ETV1: variants seen among roughly 807,000 people sequenced by gnomAD.
ETV1 encodes ETS variant transcription factor 1.
ETV1 carries 27 observed loss-of-function variants against 62.3 expected under a neutral mutation model. The ratio of observed to expected loss-of-function variants is 0.43; its 90% CI spans 0.32 to 0.60. The LOEUF (loss-of-function observed/expected upper bound fraction) is 0.60, where lower values mean the gene tolerates loss of function less well. ETV1 is among the 20% of genes least tolerant of loss of function. The pLI, the probability that ETV1 is intolerant of heterozygous loss-of-function variation, is 0.06. For missense variants in ETV1, 605 were observed against 605.8 expected (o/e 1.00, Z 0.01); for synonymous variants, 222 against 199.6 (o/e 1.11, Z -0.94).
intron 8 of ETV1, 23 bp downstream of exon 8, chr7:13,935,685 G>A: frequency 6.2e-7 from 1 of 1,600,076 alleles, no homozygotes; most frequent in Middle Eastern, 1.7e-4. Flanking sequence ...ACAGTTTCTA[G>A]AAAACTGGTA....
intron 6 of ETV1, among the ~76,000 whole-genome samples, chr7:13,970,890 G>T (rs899111912): frequency 1.3e-5 from 2 of 151,498 alleles, no homozygotes; most frequent in African/African-American, 4.9e-5. Context: ...AAGCAGATTT[G>T]TAACAGTAAT....
intron 5 of ETV1, 160 bp downstream of exon 5, chr7:13,986,478 A>G (rs1010225218): frequency 2.7e-6 from 4 of 1,507,232 alleles, no homozygotes; most frequent in African/African-American, 2.9e-5. Flanking sequence ...AGAGTCCCCA[A>G]AGACAAACTC....
At chr7:13,983,587 T>TATGG (rs1491418868) in intron 5 of ETV1, among the ~76,000 whole-genome samples, 1 of 149,412 alleles carries the variant, frequency 6.7e-6, no homozygotes, top group African/African-American at 2.5e-5. Flanking sequence ...ATAAAGTGAC[T>TATGG]ATGGCAACAT....
At chr7:13,973,685 T>A (rs1781124073) in intron 6 of ETV1, among the ~76,000 whole-genome samples, 1 of 152,140 alleles carries the variant, frequency 6.6e-6, no homozygotes, top group Admixed American at 6.5e-5. Flanking sequence ...TATTTTTGCC[T>A]CTGTTTATGG....
rs767552829 is a variant in ETV1 at position 13,895,874 on chromosome 7, C to T, written c.1426G>A (p.Val476Met). The T allele has an allele frequency of 5.0e-6, 8 of 1,612,662 alleles. No individual in the cohort carries two copies. Among genetic ancestry groups the T allele is most frequent in the African/African-American group, 1.3e-5 (1 of 74,928 alleles). Residue 476 changes from valine to methionine, a missense_variant, in exon 14 of 14, where the codon GTG becomes ATG. Transcript: ENST00000430479. ...CNPHPYNEGYVY is the reference protein window; with the variant it reads ...CNPHPYNEGYMY Reference sequence around the variant, plus strand: ...CTTGACTGTCACTTGTGTTAATACACGTAGCCTTCGTTGTAGGGGTGGGGG... The same window carrying T: ...CTTGACTGTCACTTGTGTTAATACATGTAGCCTTCGTTGTAGGGGTGGGGG...
chr7:13,963,587 G>T (rs758463348), intron 6 of ETV1, among the ~76,000 whole-genome samples: 84 of 147,624 alleles, frequency 5.7e-4, no homozygotes, highest in Non-Finnish European at 9.0e-5. Flanking sequence ...AGAGAGAGAA[G>T]TTTACTGATG....
intron 9 of ETV1, among the ~76,000 whole-genome samples, chr7:13,919,595 C>CAT (rs1342861013): frequency 6.7e-6 from 1 of 148,708 alleles, no homozygotes; most frequent in African/African-American, 2.5e-5. Context: ...CACACACACA[C>CAT]ACACACAAAA....
chr7:13,946,801 T>G (rs1384200800), intron 6 of ETV1, among the ~76,000 whole-genome samples: 2 of 152,204 alleles, frequency 1.3e-5, no homozygotes, highest in African/African-American at 4.8e-5. Flanking sequence ...TTCATTTATT[T>G]ATTTTGAGAC....
intron 5 of ETV1, chr7:13,986,368 T>C (rs377471707): frequency 6.7e-7 from 1 of 1,488,410 alleles, no homozygotes; most frequent in Non-Finnish European, 8.9e-7. Context: ...GCTTAGAACT[T>C]GAAGTCTTGG....
At chr7:13,923,237 G>C (rs2040882) in intron 9 of ETV1, among the ~76,000 whole-genome samples, 45,933 of 151,910 alleles carry the variant, frequency 0.3, 7,416 homozygotes, top group African/African-American at 0.41. Flanking sequence ...AATCCTACAA[G>C]TTTCACTTTC....
intron 9 of ETV1, among the ~76,000 whole-genome samples, chr7:13,912,753 T>C (rs1283404608): frequency 6.6e-6 from 1 of 152,182 alleles, no homozygotes; most frequent in Non-Finnish European, 1.5e-5. Context: ...TGGTGTCCTT[T>C]ATACAGTCCA....
At chr7:13,966,784 A>T (rs1224333976) in intron 6 of ETV1, among the ~76,000 whole-genome samples, 1 of 152,232 alleles carries the variant, frequency 6.6e-6, no homozygotes, top group Non-Finnish European at 1.5e-5. Flanking sequence ...ATAATTTCAC[A>T]TTACTCAATA....
chr7:13,956,272 T>A (rs1789446428), intron 6 of ETV1, among the ~76,000 whole-genome samples: 1 of 152,222 alleles, frequency 6.6e-6, no homozygotes, highest in African/African-American at 2.4e-5. Context: ...AAATTCTTGT[T>A]ACACTTTATA....
intron 9 of ETV1, among the ~76,000 whole-genome samples, chr7:13,928,588 T>G (rs2128445971): frequency 6.6e-6 from 1 of 151,864 alleles, no homozygotes; most frequent in South Asian, 2.1e-4. Context: ...CACTCCAGCC[T>G]GGCAACAGAG....
chr7:13,963,733 A>G (rs1488880726), intron 6 of ETV1, among the ~76,000 whole-genome samples: 1 of 152,180 alleles, frequency 6.6e-6, no homozygotes, highest in Non-Finnish European at 1.5e-5. Context: ...CCATCTCTAC[A>G]TAAGACCTAT....
chr7:13,983,316 C>A (rs780506501), intron 5 of ETV1, among the ~76,000 whole-genome samples: 2 of 151,950 alleles, frequency 1.3e-5, no homozygotes, highest in African/African-American at 2.4e-5. Flanking sequence ...AGTAGGTGAG[C>A]TTTAAGAAGC....
chr7:13,903,225 G>C (rs1205035513), intron 12 of ETV1, among the ~76,000 whole-genome samples: 1 of 152,162 alleles, frequency 6.6e-6, no homozygotes, highest in Non-Finnish European at 1.5e-5. Flanking sequence ...TTAGTGAAGA[G>C]AGTAAAAAGA....
chr7:13,896,758 A>AAGAAAGAAAG (rs1781861325), intron 13 of ETV1, among the ~76,000 whole-genome samples: 1 of 132,116 alleles, frequency 7.6e-6, no homozygotes, highest in African/African-American at 3.1e-5. Context: ...GAAAGAAAGA[A>AAGAAAGAAAG]AGAAAGAAAG....
intron 8 of ETV1, among the ~76,000 whole-genome samples, chr7:13,932,161 G>T (rs1279170176): frequency 6.6e-6 from 1 of 151,800 alleles, no homozygotes; most frequent in Non-Finnish European, 1.5e-5. Context: ...ACCAGAAAAA[G>T]ATCTCAAACT....
Sources: allele counts gnomAD v4.1 joint callset (sites outside exome capture counted in the v4.1 genomes callset), GRCh38; gene constraint gnomAD v4.1.1; transcripts MANE v1.5; gene names NCBI Gene and HGNC (gene_info 2026-07-23, HGNC 2026-07-21).